Variants in RANBP2 observed in about 807,000 individuals in gnomAD.
The protein encoded by RANBP2 is E3 SUMO-protein ligase RanBP2.
In RANBP2, 57 loss-of-function variants were observed where a neutral mutation model predicts 303.6. The ratio of observed to expected loss-of-function variants is 0.19; its 90% CI spans 0.15 to 0.23. The LOEUF (loss-of-function observed/expected upper bound fraction) is 0.23, where lower values mean the gene tolerates loss of function less well. Among genes scored for constraint, RANBP2 ranks in the 10% least tolerant of loss-of-function variants. RANBP2 has a pLI of 1.00. For missense variants in RANBP2, 3,138 were observed against 3,780.8 expected, an observed-to-expected ratio of 0.83 and a Z score of 4.46; for synonymous variants, 1,167 against 1,301.5, an observed-to-expected ratio of 0.90 and a Z score of 2.23.
chr2:109,666,235 G>A, the RANBP2 span, among the ~76,000 whole-genome samples: 2 of 151,844 alleles, frequency 1.3e-5, no homozygotes, highest in Admixed American at 6.6e-5. Flanking sequence ...ATGAAATTTT[G>A]GAGCACCTTA....
the RANBP2 span, among the ~76,000 whole-genome samples, chr2:109,022,476 T>C: frequency 5.1e-4 from 78 of 152,296 alleles, 1 homozygote; most frequent in East Asian, 0.015. Flanking sequence ...TTTTGCAGTG[T>C]AAAATCTTTA....
the RANBP2 span, among the ~76,000 whole-genome samples, chr2:109,661,455 C>T: frequency 6.6e-6 from 1 of 152,142 alleles, no homozygotes; most frequent in South Asian, 2.1e-4. Context: ...ACCATGTTGG[C>T]CAGGCTGCTC....
the RANBP2 span, among the ~76,000 whole-genome samples, chr2:109,335,274 C>G: frequency 6.4e-4 from 97 of 152,354 alleles, no homozygotes; most frequent in Middle Eastern, 3.4e-3. Flanking sequence ...GAGAACGGCT[C>G]TTTCTAGCAT....
chr2:109,472,282 C>T, the RANBP2 span, among the ~76,000 whole-genome samples: 30 of 151,656 alleles, frequency 2.0e-4, no homozygotes, highest in Admixed American at 3.3e-4. Context: ...TCCAGGAAGA[C>T]GGTGGCAGGA....
chr2:109,631,447 G>A, the RANBP2 span, among the ~76,000 whole-genome samples: 535 of 152,308 alleles, frequency 3.5e-3, 6 homozygotes, highest in African/African-American at 0.012. Context: ...GTTGAATGAT[G>A]ACATCTATAA....
At chr2:109,002,341 T>C in the RANBP2 span, among the ~76,000 whole-genome samples, 13 of 152,078 alleles carry the variant, frequency 8.5e-5, no homozygotes, top group Non-Finnish European at 1.6e-4. Flanking sequence ...GGCTCTTAGG[T>C]TTAATGCAAA....
the RANBP2 span, among the ~76,000 whole-genome samples, chr2:109,534,135 T>A: frequency 1.3e-5 from 2 of 152,230 alleles, no homozygotes; most frequent in African/African-American, 4.8e-5. Flanking sequence ...ACCTCATTTC[T>A]GTGGACGAGC....
At chr2:109,697,454 C>T in the RANBP2 span, among the ~76,000 whole-genome samples, 4 of 150,338 alleles carry the variant, frequency 2.7e-5, no homozygotes, top group African/African-American at 9.8e-5. Flanking sequence ...CATTGCACCC[C>T]AGCCTGGGCA....
chr2:109,281,050 C>G, the RANBP2 span, among the ~76,000 whole-genome samples: 1 of 152,224 alleles, frequency 6.6e-6, no homozygotes, highest in African/African-American at 2.4e-5. Flanking sequence ...CAGAGCCGAC[C>G]TTGTATGCCA....
At chr2:108,739,940 A>G (rs987573726) in intron 6 of RANBP2, among the ~76,000 whole-genome samples, 6 of 152,146 alleles carry the variant, frequency 3.9e-5, no homozygotes, top group Non-Finnish European at 8.8e-5. Flanking sequence ...GTGAGCTTAG[A>G]TCGTGCCATT....
chr2:109,041,509 T>C, the RANBP2 span, among the ~76,000 whole-genome samples: 2 of 145,220 alleles, frequency 1.4e-5, no homozygotes, highest in Non-Finnish European at 3.0e-5. Flanking sequence ...TAAAAATATA[T>C]AATTAACGGA....
At chr2:109,538,448 G>C in the RANBP2 span, among the ~76,000 whole-genome samples, 1 of 152,176 alleles carries the variant, frequency 6.6e-6, no homozygotes, top group African/African-American at 2.4e-5. Context: ...TGTGAAAGAC[G>C]GGCTTTCTTT....
At chr2:109,544,735 T>C in the RANBP2 span, 1 of 843,264 alleles carries the variant, frequency 1.2e-6, no homozygotes, top group Non-Finnish European at 1.4e-6. Flanking sequence ...TAGTTTATCT[T>C]TCTAAATTCA....
chr2:109,597,658 C>T, the RANBP2 span, among the ~76,000 whole-genome samples: 4 of 152,328 alleles, frequency 2.6e-5, no homozygotes, highest in South Asian at 2.1e-4. Flanking sequence ...TATAAATCTA[C>T]ACACCTACTT....
chr2:108,990,450 AAAAAAAAAT>A, the RANBP2 span, among the ~76,000 whole-genome samples: 1 of 151,042 alleles, frequency 6.6e-6, no homozygotes, highest in African/African-American at 2.4e-5. Context: ...AAAAAAAAAA[AAAAAAAAAT>A]ATACAAAAAT....
chr2:109,436,935 C>A, the RANBP2 span: 1 of 1,613,646 alleles, frequency 6.2e-7, no homozygotes, highest in Non-Finnish European at 8.5e-7. Flanking sequence ...ATAATGTAGT[C>A]GGAGGGTCTC....
At chr2:109,246,462 A>G in the RANBP2 span, among the ~76,000 whole-genome samples, 2 of 152,182 alleles carry the variant, frequency 1.3e-5, no homozygotes, top group East Asian at 3.9e-4. Context: ...CTCAGCTCCT[A>G]ATAGCATTAC....
the RANBP2 span, among the ~76,000 whole-genome samples, chr2:108,985,797 C>T: frequency 7.2e-5 from 11 of 152,206 alleles, no homozygotes; most frequent in Admixed American, 5.2e-4. Context: ...TGAGCAGCCC[C>T]CTTGTCCCTA....
At chr2:109,735,335 G>A in the RANBP2 span, among the ~76,000 whole-genome samples, 1 of 152,134 alleles carries the variant, frequency 6.6e-6, no homozygotes, top group Non-Finnish European at 1.5e-5. Context: ...GTAAATGAGA[G>A]AATTTTATTT....
Sources: gnomAD v4.1 joint callset for allele counts (sites outside exome capture counted in the v4.1 genomes callset) on GRCh38, gnomAD v4.1.1 for gene constraint, MANE v1.5 for transcripts, NCBI Gene and HGNC (gene_info 2026-07-23, HGNC 2026-07-21) for gene names.